Variants in CCDC152 observed in about 807,000 individuals in gnomAD.
CCDC152 encodes the protein coiled-coil domain containing 152.
In CCDC152, 37 loss-of-function variants were observed where a neutral mutation model predicts 38.1. That is an observed-to-expected ratio of 0.97 (90% CI 0.75 to 1.28). The LOEUF is 1.28. CCDC152 is among the 50% of genes most tolerant of loss of function. The pLI, the probability that CCDC152 is intolerant of heterozygous loss-of-function variation, is 0.00. For synonymous variants in CCDC152, 83 were observed against 87.1 expected (o/e 0.95, Z 0.26); for missense variants, 259 against 292.1 (o/e 0.89, Z 0.83).
chr5:42,785,993 A>T (rs1475305950), intron 6 of CCDC152, among the ~76,000 whole-genome samples: 1 of 152,014 alleles, frequency 6.6e-6, no homozygotes, highest in African/African-American at 2.4e-5. Context: ...CTGATGAATT[A>T]TCTTTTTGAG....
At chr5:42,763,501 A>G (rs1759584284) in intron 3 of CCDC152, among the ~76,000 whole-genome samples, 1 of 149,676 alleles carries the variant, frequency 6.7e-6, no homozygotes, top group African/African-American at 2.6e-5. Context: ...GGGTGAGGGT[A>G]GGGGAAAAGT....
chr5:42,766,188 GA>G (rs1759622344), intron 3 of CCDC152, among the ~76,000 whole-genome samples: 1 of 152,132 alleles, frequency 6.6e-6, no homozygotes, highest in African/African-American at 2.4e-5. Context: ...GATCATCAGA[GA>G]AATGCAAATC....
At chr5:42,798,142 A>AAAAT (rs748218983) in intron 7 of CCDC152, among the ~76,000 whole-genome samples, 1 of 152,262 alleles carries the variant, frequency 6.6e-6, no homozygotes, top group African/African-American at 2.4e-5. Flanking sequence ...CAGAACGAAA[A>AAAAT]AAATAAATAA....
At chr5:42,760,501 C>T (rs749591817) in intron 2 of CCDC152, among the ~76,000 whole-genome samples, 5 of 152,130 alleles carry the variant, frequency 3.3e-5, no homozygotes, top group Admixed American at 1.3e-4. Context: ...CAACTCTGGA[C>T]AAATGGTAGA....
intron 4 of CCDC152, among the ~76,000 whole-genome samples, chr5:42,773,304 A>G (rs765533418): frequency 1.2e-4 from 18 of 152,220 alleles, no homozygotes; most frequent in Non-Finnish European, 2.5e-4. Context: ...AGATAATTCA[A>G]TGAGATGTAG....
chr5:42,788,083 G>A (rs1396616206), intron 6 of CCDC152, among the ~76,000 whole-genome samples: 1 of 152,076 alleles, frequency 6.6e-6, no homozygotes, highest in Admixed American at 6.5e-5. Flanking sequence ...TTGTCCTTTT[G>A]TTTCCATGTT....
chr5:42,783,614 C>A, intron 6 of CCDC152, 38 bp downstream of exon 6: 2 of 1,065,796 alleles, frequency 1.9e-6, no homozygotes, highest in South Asian at 5.4e-5. Flanking sequence ...GTTATTGATT[C>A]AACAGATATA....
At chr5:42,768,173 G>A (rs1188786743) in intron 3 of CCDC152, among the ~76,000 whole-genome samples, 1 of 152,176 alleles carries the variant, frequency 6.6e-6, no homozygotes, top group African/African-American at 2.4e-5. Context: ...AAGGTGAAAA[G>A]TTTTGAATTC....
intron 5 of CCDC152, among the ~76,000 whole-genome samples, chr5:42,782,582 G>A (rs528414486): frequency 6.6e-6 from 1 of 152,076 alleles, no homozygotes; most frequent in Admixed American, 6.5e-5. Flanking sequence ...TTGGAAAGGA[G>A]GAATAGAATC....
chr5:42,784,549 T>G (rs1759893899), intron 6 of CCDC152, among the ~76,000 whole-genome samples: 1 of 152,144 alleles, frequency 6.6e-6, no homozygotes, highest in Admixed American at 6.6e-5. Flanking sequence ...TTTCTCCCAT[T>G]CTGTAGGTTG....
intron 4 of CCDC152, among the ~76,000 whole-genome samples, chr5:42,772,316 T>C (rs1759709979): frequency 6.6e-6 from 1 of 152,156 alleles, no homozygotes; most frequent in Admixed American, 6.5e-5. Context: ...AGGCCATAGA[T>C]GAAAAGCTCA....
intron 6 of CCDC152, among the ~76,000 whole-genome samples, chr5:42,788,677 A>T (rs1759957773): frequency 6.6e-6 from 1 of 152,196 alleles, no homozygotes; most frequent in Admixed American, 6.5e-5. Flanking sequence ...TTGGATATAA[A>T]TCCTTTATCA....
At chr5:42,788,339 A>C (rs1221962605) in intron 6 of CCDC152, among the ~76,000 whole-genome samples, 2 of 151,988 alleles carry the variant, frequency 1.3e-5, no homozygotes, top group East Asian at 1.9e-4. Flanking sequence ...CCAAAAAAAA[A>C]ACAAAAAACC....
At chr5:42,762,851 A>G (rs1332168136) in intron 3 of CCDC152, among the ~76,000 whole-genome samples, 2 of 152,234 alleles carry the variant, frequency 1.3e-5, no homozygotes, top group African/African-American at 4.8e-5. Context: ...TATAAAAACC[A>G]TAGGGAAAAA....
intron 7 of CCDC152, among the ~76,000 whole-genome samples, chr5:42,799,052 A>G (rs975718629): frequency 2.0e-5 from 3 of 152,150 alleles, no homozygotes; most frequent in Non-Finnish European, 2.9e-5. Context: ...GCACTATAGA[A>G]TCACGTGATG....
At chr5:42,799,220 AATT>A (rs1250552038) in intron 7 of CCDC152, among the ~76,000 whole-genome samples, 152 bp from the exon 8 acceptor site, 1 of 152,126 alleles carries the variant, frequency 6.6e-6, no homozygotes, top group Non-Finnish European at 1.5e-5. Flanking sequence ...CTTTCTGAAA[AATT>A]ATTTCTTAAA....
At chr5:42,775,074 G>A (rs960147948) in intron 4 of CCDC152, among the ~76,000 whole-genome samples, 16 of 149,954 alleles carry the variant, frequency 1.1e-4, no homozygotes, top group African/African-American at 3.4e-4. Context: ...CAAAAACAGT[G>A]TAATAACTAC....
intron 4 of CCDC152, among the ~76,000 whole-genome samples, chr5:42,772,407 T>C (rs923618043): frequency 1.3e-5 from 2 of 152,150 alleles, no homozygotes; most frequent in South Asian, 2.1e-4. Context: ...AGTTTTAAAA[T>C]AGCCTTTCTT....
intron 3 of CCDC152, among the ~76,000 whole-genome samples, chr5:42,763,998 T>C (rs1759591653): frequency 6.6e-6 from 1 of 152,130 alleles, no homozygotes; most frequent in Admixed American, 6.5e-5. Flanking sequence ...CAGAAAAAAA[T>C]TGAGTGAAAG....
Sources: allele counts gnomAD v4.1 joint callset (sites outside exome capture counted in the v4.1 genomes callset), GRCh38; gene constraint gnomAD v4.1.1; transcripts MANE v1.5; gene names NCBI Gene and HGNC (gene_info 2026-07-23, HGNC 2026-07-21).